PRKCE: variants seen among roughly 807,000 people sequenced by gnomAD.
PRKCE encodes protein kinase C epsilon.
Under a neutral mutation model 85.4 loss-of-function variants are expected in PRKCE, and 16 were observed. The observed-to-expected ratio is 0.19, with a 90% CI of 0.13 to 0.28. The LOEUF is 0.28. Ranked by LOEUF, PRKCE falls within the 10% of genes least tolerant of loss-of-function variation. PRKCE has a pLI of 1.00. For synonymous variants in PRKCE, 388 were observed against 371.5 expected (o/e 1.04, Z -0.51); for missense variants, 573 against 975.2 (o/e 0.59, Z 5.49).
intron 10 of PRKCE, chr2:46,073,416 C>T (rs903630042): frequency 6.6e-6 from 1 of 152,076 alleles, no homozygotes; most frequent in Non-Finnish European, 1.5e-5. Context: ...TGTCCTTTGT[C>T]TGATACTTAT....
chr2:45,674,058 A>G (rs773994033), intron 1 of PRKCE, among the ~76,000 whole-genome samples: 2 of 152,184 alleles, frequency 1.3e-5, no homozygotes, highest in Non-Finnish European at 1.5e-5. Context: ...GGTGTATCTC[A>G]ATATTTCATT....
chr2:46,013,557 A>T (rs1705866469), intron 10 of PRKCE, among the ~76,000 whole-genome samples: 1 of 152,214 alleles, frequency 6.6e-6, no homozygotes, highest in Non-Finnish European at 1.5e-5. Context: ...CACAGAATTC[A>T]GTCTTGATTG....
At chr2:45,692,055 A>G (rs934452423) in intron 1 of PRKCE, among the ~76,000 whole-genome samples, 1 of 152,218 alleles carries the variant, frequency 6.6e-6, no homozygotes, top group Non-Finnish European at 1.5e-5. Flanking sequence ...TCACTCATGG[A>G]AAAAGTTTCT....
chr2:46,123,061 A>T (rs150761484), intron 11 of PRKCE, among the ~76,000 whole-genome samples: 2 of 147,088 alleles, frequency 1.4e-5, no homozygotes, highest in African/African-American at 5.0e-5. Context: ...TTGTGGCAAT[A>T]TTACTGCCCA....
intron 1 of PRKCE, among the ~76,000 whole-genome samples, chr2:45,655,085 A>C (rs1194405826): frequency 6.6e-6 from 1 of 152,166 alleles, no homozygotes; most frequent in Non-Finnish European, 1.5e-5. Context: ...ATTCTGCCGC[A>C]CTTTGAATTC....
intron 1 of PRKCE, among the ~76,000 whole-genome samples, chr2:45,785,164 T>G (rs890484931): frequency 1.3e-5 from 2 of 152,190 alleles, no homozygotes; most frequent in African/African-American, 2.4e-5. Flanking sequence ...TTAAGTTGTA[T>G]TATAGCATTT....
intron 2 of PRKCE, among the ~76,000 whole-genome samples, chr2:45,854,997 C>T (rs1216867993): frequency 1.3e-5 from 2 of 152,202 alleles, no homozygotes; most frequent in Non-Finnish European, 2.9e-5. Flanking sequence ...GTAGGGAGCT[C>T]TCCATCTCTG....
intron 11 of PRKCE, among the ~76,000 whole-genome samples, chr2:46,111,698 T>G (rs890146915): frequency 6.6e-6 from 1 of 152,250 alleles, no homozygotes; most frequent in Non-Finnish European, 1.5e-5. Context: ...ATTTCATTGT[T>G]TGGATATACC....
In PRKCE at chr2:45,818,787, T is replaced by G. The variant is rs76507114; in HGVS notation, c.349-24213T>G. 3.1e-3 allele frequency among the ~76,000 whole-genome samples: 477 copies of G among 152,306 alleles called. 1 individual carries two copies. The highest frequency in any genetic ancestry group is 4.3e-3 in the Non-Finnish European group (295 of 68,026). ...TTTCTCCTTTGCCCTGCCGCAGCACTCACCATGGCTGTTTCCAAAACATGG... is the reference window on the plus strand; with the variant it reads ...TTTCTCCTTTGCCCTGCCGCAGCACGCACCATGGCTGTTTCCAAAACATGG... On this transcript the variant is annotated intron_variant, in intron 1 of 14. Transcript: ENST00000306156.
At chr2:46,009,266 G>A (rs909606409) in intron 9 of PRKCE, among the ~76,000 whole-genome samples, 2 of 152,068 alleles carry the variant, frequency 1.3e-5, no homozygotes, top group Non-Finnish European at 2.9e-5. Flanking sequence ...TAAAATAACA[G>A]AAAATTATAA....
At chr2:45,725,745 C>T (rs921981639) in intron 1 of PRKCE, among the ~76,000 whole-genome samples, 4 of 151,836 alleles carry the variant, frequency 2.6e-5, no homozygotes, top group Non-Finnish European at 5.9e-5. Context: ...GCAGGATGAT[C>T]GCTTGAACCC....
chr2:45,801,998 T>C (rs1470372527), intron 1 of PRKCE, among the ~76,000 whole-genome samples: 1 of 151,442 alleles, frequency 6.6e-6, no homozygotes, highest in East Asian at 1.9e-4. Flanking sequence ...CCTGTAATTC[T>C]AGCACTTTAG....
chr2:45,969,374 G>T (rs1161310364), intron 2 of PRKCE, among the ~76,000 whole-genome samples: 3 of 152,188 alleles, frequency 2.0e-5, no homozygotes, highest in South Asian at 2.1e-4. Context: ...TCCTCTGGGA[G>T]GTCAGCCAAC....
chr2:45,718,467 C>A (rs192385151), intron 1 of PRKCE, among the ~76,000 whole-genome samples: 1 of 150,796 alleles, frequency 6.6e-6, no homozygotes, highest in African/African-American at 2.4e-5. Flanking sequence ...GCCTCAGCCT[C>A]CTGAGTAGCT....
chr2:45,946,568 CCAG>C (rs1700258630), intron 2 of PRKCE, among the ~76,000 whole-genome samples: 1 of 152,178 alleles, frequency 6.6e-6, no homozygotes, highest in Non-Finnish European at 1.5e-5. Context: ...AATCCCCCTG[CCAG>C]CTCATTGCCT....
chr2:45,915,476 C>T (rs1697695569), intron 2 of PRKCE, among the ~76,000 whole-genome samples: 1 of 152,110 alleles, frequency 6.6e-6, no homozygotes, highest in Admixed American at 6.5e-5. Context: ...CCCAAAGCTC[C>T]AGTGAACCCT....
chr2:45,855,062 A>G (rs535264630), intron 2 of PRKCE, among the ~76,000 whole-genome samples: 1 of 152,348 alleles, frequency 6.6e-6, no homozygotes, highest in Admixed American at 6.5e-5. Flanking sequence ...GAACAAATTT[A>G]TATATTAGCT....
At chr2:46,150,530 T>C (rs1334897295) in intron 12 of PRKCE, among the ~76,000 whole-genome samples, 2 of 152,144 alleles carry the variant, frequency 1.3e-5, no homozygotes, top group African/African-American at 2.4e-5. Flanking sequence ...CATTGCAGTT[T>C]CCTCTCCAGG....
intron 10 of PRKCE, among the ~76,000 whole-genome samples, chr2:46,062,076 G>A (rs1445458989): frequency 1.3e-5 from 2 of 151,692 alleles, no homozygotes; most frequent in Non-Finnish European, 2.9e-5. Context: ...TGGTCAGGCT[G>A]GTCTCAAACT....
Sources: allele counts gnomAD v4.1 joint callset (sites outside exome capture counted in the v4.1 genomes callset), GRCh38; gene constraint gnomAD v4.1.1; transcripts MANE v1.5; gene names NCBI Gene and HGNC (gene_info 2026-07-23, HGNC 2026-07-21).